DLGAP2: variants seen among roughly 807,000 people sequenced by gnomAD.
DLGAP2 encodes the protein disks large-associated protein 2.
DLGAP2 carries 26 observed loss-of-function variants against 100.3 expected under a neutral mutation model. The observed-to-expected ratio is 0.26, with a 90% CI of 0.19 to 0.36. The LOEUF is 0.36. DLGAP2 is among the 10% of genes least tolerant of loss of function. The pLI is 1.00. For synonymous variants in DLGAP2, 886 were observed against 630.1 expected (o/e 1.41, Z -6.08); for missense variants, 1,858 against 1,453.2 (o/e 1.28, Z -4.53).
rs552054201 is a variant in DLGAP2, at chr8:1,111,079, C to T, written c.74-147772C>T. On this transcript the variant is annotated intron_variant, in intron 2 of 14. Transcript: ENST00000637795. ...ACCTGCACGCCACAGTGCCCGACTC[C>T]GGGGCTGCTTTCTGCCCGGGCCTTC... Among the ~76,000 whole-genome samples the T allele has an allele frequency of 1.5e-3, 223 of 152,308 alleles. 1 individual carries two copies. Among genetic ancestry groups the T allele is most frequent in the African/African-American group, 5.2e-3 (216 of 41,558 alleles).
intron 2 of DLGAP2, among the ~76,000 whole-genome samples, chr8:1,045,238 G>T (rs1283449219): frequency 5.9e-5 from 9 of 152,178 alleles, no homozygotes; most frequent in Admixed American, 6.5e-5. Flanking sequence ...GTTTATGAAA[G>T]CGGACAGCGG....
At chr8:1,354,019 T>A (rs377259943) in intron 3 of DLGAP2, among the ~76,000 whole-genome samples, 2 of 152,206 alleles carry the variant, frequency 1.3e-5, no homozygotes, top group African/African-American at 4.8e-5. Flanking sequence ...GGAGTGGCAG[T>A]GGCCAGTGCT....
At chr8:813,018 T>C (rs1796399298) in intron 1 of DLGAP2, among the ~76,000 whole-genome samples, 2 of 152,226 alleles carry the variant, frequency 1.3e-5, no homozygotes, top group African/African-American at 4.8e-5. Flanking sequence ...CAAAACGTGA[T>C]AATAGAACAC....
At chr8:767,700 T>C (rs1450421137) in intron 1 of DLGAP2, among the ~76,000 whole-genome samples, 2 of 152,168 alleles carry the variant, frequency 1.3e-5, no homozygotes, top group Non-Finnish European at 2.9e-5. Context: ...CATCAATCTT[T>C]AGGGTTGAGA....
intron 4 of DLGAP2, among the ~76,000 whole-genome samples, chr8:1,526,586 G>A (rs192695100): frequency 4.6e-5 from 7 of 152,326 alleles, no homozygotes; most frequent in African/African-American, 1.7e-4. Context: ...GAGGAGGACG[G>A]TGGTGAGTCC....
chr8:1,309,820 C>T (rs1268062960), intron 3 of DLGAP2, among the ~76,000 whole-genome samples: 6 of 152,218 alleles, frequency 3.9e-5, no homozygotes, highest in Admixed American at 2.0e-4. Flanking sequence ...ACAGGCCGGG[C>T]GCCGTGGCTG....
At chr8:904,812 A>G (rs1489536653) in intron 1 of DLGAP2, among the ~76,000 whole-genome samples, 1 of 152,244 alleles carries the variant, frequency 6.6e-6, no homozygotes, top group Non-Finnish European at 1.5e-5. Flanking sequence ...ACGCTGCTGT[A>G]GAACAGGCAG....
intron 2 of DLGAP2, among the ~76,000 whole-genome samples, chr8:1,056,412 T>C (rs1425609857): frequency 6.6e-6 from 1 of 152,228 alleles, no homozygotes; most frequent in Admixed American, 6.5e-5. Flanking sequence ...CCATCTCTTT[T>C]TCCTAGTTTG....
chr8:1,584,602 C>T (rs889229424), intron 6 of DLGAP2, among the ~76,000 whole-genome samples: 2 of 152,164 alleles, frequency 1.3e-5, no homozygotes, highest in African/African-American at 4.8e-5. Flanking sequence ...GCACTCTGAT[C>T]GGTCCAGCCC....
At chr8:1,336,506 A>G (rs112134915) in intron 3 of DLGAP2, among the ~76,000 whole-genome samples, 2,405 of 152,282 alleles carry the variant, frequency 0.016, 41 homozygotes, top group East Asian at 0.071. Flanking sequence ...CCACTGAAAC[A>G]CACGCAACTC....
At chr8:1,065,264 G>A (rs770171005) in intron 2 of DLGAP2, among the ~76,000 whole-genome samples, 51 of 152,136 alleles carry the variant, frequency 3.4e-4, no homozygotes, top group Non-Finnish European at 4.0e-4. Context: ...TGATTATTAG[G>A]TCATGATTTT....
At chr8:1,527,725 G>C (rs546788500) in intron 4 of DLGAP2, among the ~76,000 whole-genome samples, 53 of 152,286 alleles carry the variant, frequency 3.5e-4, no homozygotes, top group Non-Finnish European at 7.6e-4. Flanking sequence ...CGTAACTGGG[G>C]CTGGCACGAG....
At chr8:1,389,102 G>T (rs1420041009) in intron 3 of DLGAP2, among the ~76,000 whole-genome samples, 2 of 152,166 alleles carry the variant, frequency 1.3e-5, no homozygotes, top group Non-Finnish European at 2.9e-5. Flanking sequence ...TGTCAGGGCT[G>T]TGAGAGCAGA....
At chr8:1,192,562 C>G (rs1406533992) in intron 2 of DLGAP2, among the ~76,000 whole-genome samples, 2 of 151,930 alleles carry the variant, frequency 1.3e-5, no homozygotes, top group Non-Finnish European at 2.9e-5. Flanking sequence ...CAAGTCTGTC[C>G]CCAGCCCCGC....
chr8:1,574,816 C>T (rs754309200), intron 6 of DLGAP2, among the ~76,000 whole-genome samples: 69 of 152,214 alleles, frequency 4.5e-4, no homozygotes, highest in Admixed American at 2.7e-3. Context: ...AGGAAACCCA[C>T]GAACATACGT....
At chr8:1,204,029 T>C (rs1409210812) in intron 2 of DLGAP2, among the ~76,000 whole-genome samples, 1 of 152,226 alleles carries the variant, frequency 6.6e-6, no homozygotes, top group South Asian at 2.1e-4. Context: ...GAAACTTCAA[T>C]GTGCTTACGA....
chr8:1,486,074 C>A (rs1799229770), intron 3 of DLGAP2, among the ~76,000 whole-genome samples: 3 of 152,166 alleles, frequency 2.0e-5, no homozygotes, highest in Non-Finnish European at 4.4e-5. Flanking sequence ...TCAGCATGGT[C>A]TTCAAGATCT....
intron 3 of DLGAP2, among the ~76,000 whole-genome samples, chr8:1,334,600 C>CA (rs764948209): frequency 2.5e-4 from 38 of 152,070 alleles, no homozygotes; most frequent in Non-Finnish European, 4.6e-4. Flanking sequence ...TCGACCCCCC[C>CA]AGTGGAGACA....
At chr8:1,317,167 A>C (rs1800774844) in intron 3 of DLGAP2, among the ~76,000 whole-genome samples, 2 of 136,014 alleles carry the variant, frequency 1.5e-5, no homozygotes, top group African/African-American at 5.8e-5. Flanking sequence ...GGCAGCTTTA[A>C]AAATAGAGCG....
Sources: allele counts gnomAD v4.1 joint callset (sites outside exome capture counted in the v4.1 genomes callset), GRCh38; gene constraint gnomAD v4.1.1; transcripts MANE v1.5; gene names NCBI Gene and HGNC (gene_info 2026-07-23, HGNC 2026-07-21).